Variants in MOXD1 observed in about 807,000 individuals in gnomAD.
The protein encoded by MOXD1 is DBH-like monooxygenase protein 1.
Under a neutral mutation model 66.6 loss-of-function variants are expected in MOXD1, and 62 were observed. The ratio of observed to expected loss-of-function variants is 0.93; its 90% CI spans 0.76 to 1.15. The LOEUF (loss-of-function observed/expected upper bound fraction) is 1.15, where lower values mean the gene tolerates loss of function less well. Among genes scored for constraint, MOXD1 ranks in the 50% most tolerant of loss-of-function variants. MOXD1 has a pLI of 0.00. For synonymous variants in MOXD1, 303 were observed against 281.9 expected (o/e 1.07, Z -0.75); for missense variants, 847 against 754.6 (o/e 1.12, Z -1.44).
intron 6 of MOXD1, among the ~76,000 whole-genome samples, chr6:132,326,738 G>T (rs1235778593): frequency 6.6e-6 from 1 of 152,098 alleles, no homozygotes; most frequent in African/African-American, 2.4e-5. Flanking sequence ...TAATTGGTGG[G>T]TGGAAATTAA....
At chr6:132,367,089 A>G (rs1304858731) in intron 4 of MOXD1, among the ~76,000 whole-genome samples, 3 of 152,106 alleles carry the variant, frequency 2.0e-5, no homozygotes, top group African/African-American at 7.2e-5. Context: ...GTAGCAATTG[A>G]TGATGAAGAG....
chr6:132,373,467 T>C (rs187089307), intron 2 of MOXD1, among the ~76,000 whole-genome samples: 53 of 152,354 alleles, frequency 3.5e-4, no homozygotes, highest in Admixed American at 3.5e-3. Flanking sequence ...AGTAGATGTT[T>C]TCCTAGGCAC....
intron 9 of MOXD1, among the ~76,000 whole-genome samples, chr6:132,316,175 G>A (rs200526969): frequency 7.0e-5 from 3 of 43,104 alleles, no homozygotes; most frequent in East Asian, 2.1e-3. Context: ...TGCATACGAC[G>A]GGGAGAAAGA....
intron 8 of MOXD1, among the ~76,000 whole-genome samples, chr6:132,321,639 A>T (rs1200123751): frequency 1.3e-5 from 2 of 152,164 alleles, no homozygotes; most frequent in African/African-American, 4.8e-5. Flanking sequence ...CACGCCACTC[A>T]GAGGGCCCAG....
intron 4 of MOXD1, among the ~76,000 whole-genome samples, chr6:132,338,617 C>T (rs1775487862): frequency 6.6e-6 from 1 of 152,190 alleles, no homozygotes; most frequent in Admixed American, 6.5e-5. Context: ...TTTCTCCTGG[C>T]ACTTCCTTAG....
intron 10 of MOXD1, 29 bp downstream of exon 10, chr6:132,315,606 C>A (rs754742070): frequency 2.5e-6 from 4 of 1,590,256 alleles, no homozygotes; most frequent in South Asian, 2.3e-5. Flanking sequence ...AAATACGTTA[C>A]CCCATCATAA....
At chr6:132,393,966 A>G (rs1582614112) in intron 1 of MOXD1, among the ~76,000 whole-genome samples, 2 of 152,214 alleles carry the variant, frequency 1.3e-5, no homozygotes, top group Admixed American at 1.3e-4. Context: ...AAGTTGTCCC[A>G]CCACAGCTAC....
At chr6:132,387,520 G>A (rs1357463360) in intron 1 of MOXD1, among the ~76,000 whole-genome samples, 4 of 150,782 alleles carry the variant, frequency 2.7e-5, no homozygotes, top group Non-Finnish European at 4.4e-5. Context: ...TTGGGAGGCC[G>A]AGGCAGGTGG....
At chr6:132,358,347 A>C (rs1471904645) in intron 4 of MOXD1, among the ~76,000 whole-genome samples, 1 of 152,258 alleles carries the variant, frequency 6.6e-6, no homozygotes, top group Non-Finnish European at 1.5e-5. Context: ...TTCAGATCTC[A>C]GGCATTAGAA....
chr6:132,385,749 C>T (rs73547914), intron 1 of MOXD1, among the ~76,000 whole-genome samples: 15,841 of 151,868 alleles, frequency 0.1, 1,336 homozygotes, highest in East Asian at 0.41. Flanking sequence ...GCCTTGGCCT[C>T]CCAAAGTGCT....
chr6:132,352,268 A>G (rs753837070), intron 4 of MOXD1, among the ~76,000 whole-genome samples: 1 of 152,128 alleles, frequency 6.6e-6, no homozygotes, highest in Non-Finnish European at 1.5e-5. Flanking sequence ...GTAGGCATTT[A>G]GGGCCGTGAA....
chr6:132,347,888 CT>C (rs993354000), intron 4 of MOXD1, among the ~76,000 whole-genome samples: 55 of 149,614 alleles, frequency 3.7e-4, no homozygotes, highest in Admixed American at 2.3e-3. Context: ...ACTCTTCTCT[CT>C]TTTTTTTTTC....
chr6:132,382,247 T>A (rs1254344833), intron 1 of MOXD1, among the ~76,000 whole-genome samples: 1 of 152,100 alleles, frequency 6.6e-6, no homozygotes, highest in Non-Finnish European at 1.5e-5. Context: ...ATTCAGAGAA[T>A]CATGATTCTG....
intron 4 of MOXD1, 122 bp from the exon 5 acceptor site, chr6:132,328,716 T>C (rs1031754827): frequency 4.7e-5 from 44 of 930,184 alleles, no homozygotes; most frequent in Non-Finnish European, 6.2e-5. Context: ...TTCTCAATTA[T>C]GTCAAGGTTG....
intron 4 of MOXD1, among the ~76,000 whole-genome samples, chr6:132,362,712 C>A (rs964891499): frequency 1.3e-5 from 2 of 152,184 alleles, no homozygotes; most frequent in Non-Finnish European, 2.9e-5. Flanking sequence ...GATCTTAGCT[C>A]AGCTTAAACA....
chr6:132,336,717 A>G (rs1007844286), intron 4 of MOXD1, among the ~76,000 whole-genome samples: 11 of 152,212 alleles, frequency 7.2e-5, no homozygotes, highest in Non-Finnish European at 1.5e-4. Flanking sequence ...GGTGATGGCA[A>G]GAAGAGATGA....
chr6:132,388,691 A>G lies in MOXD1; in HGVS notation c.264+12472T>C, dbSNP rs190512008. 3.8e-4 allele frequency among the ~76,000 whole-genome samples: 58 copies of G among 151,552 alleles called. 5 individuals are homozygous for G. Among genetic ancestry groups the G allele is most frequent in the Non-Finnish European group, 8.1e-4 (55 of 67,712 alleles). ...CTGGAAAGACGCTGGAGAATTTTTC[A>G]GAATAAAAAGGGGGTCCATTTTGTT... On this transcript the variant is annotated intron_variant, in intron 1 of 11. Coordinates refer to ENST00000367963, the MANE Select transcript of MOXD1 (RefSeq NM_015529.4).
intron 9 of MOXD1, among the ~76,000 whole-genome samples, chr6:132,318,766 T>C (rs1775010640): frequency 6.6e-6 from 1 of 152,060 alleles, no homozygotes; most frequent in Admixed American, 6.5e-5. Flanking sequence ...ATTCAGGTAT[T>C]TTTTCTTCCA....
At chr6:132,303,827 GTGTGTGTGTATATATATATATA>G (rs1562276345) in intron 10 of MOXD1, among the ~76,000 whole-genome samples, 9,104 of 98,744 alleles carry the variant, frequency 0.092, 451 homozygotes, top group Non-Finnish European at 0.13. Flanking sequence ...GTGTGTGTGT[GTGTGTGTGTATATATATATATA>G]TATATATATA....
Sources: gnomAD v4.1 joint callset for allele counts (sites outside exome capture counted in the v4.1 genomes callset) on GRCh38, gnomAD v4.1.1 for gene constraint, MANE v1.5 for transcripts, NCBI Gene and HGNC (gene_info 2026-07-23, HGNC 2026-07-21) for gene names.